The following SPTBN5 variants were observed in gnomAD, a reference collection of about 807,000 sequenced individuals.
The protein encoded by SPTBN5 is spectrin beta, non-erythrocytic 5.
Under a neutral mutation model 477.6 loss-of-function variants are expected in SPTBN5, and 513 were observed. The observed-to-expected ratio is 1.07, with a 90% CI of 1.00 to 1.16. The LOEUF (loss-of-function observed/expected upper bound fraction) is 1.16, where lower values mean the gene tolerates loss of function less well. Ranked by LOEUF, SPTBN5 falls within the 50% of genes most tolerant of loss-of-function variation. The pLI is 0.00. For synonymous variants in SPTBN5, 2,169 were observed against 2,011.7 expected (o/e 1.08, Z -2.09); for missense variants, 5,062 against 4,731.8 (o/e 1.07, Z -2.05).
At chr15:41,855,832 AG>A (rs2065916490) in intron 53 of SPTBN5, 87 bp from the exon 54 acceptor site, 2 of 1,372,870 alleles carry the variant, frequency 1.5e-6, no homozygotes, top group Non-Finnish European at 1.9e-6. Flanking sequence ...CTGGCTGCAC[AG>A]GGGAATCACC....
intron 23 of SPTBN5, among the ~76,000 whole-genome samples, 169 bp from the exon 24 acceptor site, chr15:41,874,647 C>T (rs1370113684): frequency 6.6e-6 from 1 of 152,204 alleles, no homozygotes; most frequent in African/African-American, 2.4e-5. Context: ...CACCTCATGG[C>T]CTAGATGACT....
chr15:41,852,759 A>G, intron 60 of SPTBN5, 24 bp from the exon 61 acceptor site: 1 of 1,488,676 alleles, frequency 6.7e-7, no homozygotes. Flanking sequence ...TGTTCAGGTG[A>G]CGCCCAGCTT....
chr15:41,882,599 G>A lies in SPTBN5; in HGVS notation c.2032C>T (p.Leu678=), dbSNP rs938197223. 8 of 1,602,886 alleles carry A rather than the reference G, an allele frequency of 5.0e-6. No homozygotes were observed. The highest frequency in any genetic ancestry group is 6.0e-6 in the Non-Finnish European group (7 of 1,176,080). ...GGAGCTGACACCTTGTGTTTCTGCA[G>A]GGCGCCTGCGATCTGGCTGAGATCC... The part of the protein sequence containing the change: ...GRDLSQIAGA[L]QKHKALEAEV... Residue 678 remains leucine, a synonymous_variant, in exon 10 of 68, where the codon CTG becomes TTG. Transcript: ENST00000320955.
chr15:41,854,556 G>A (rs535060451), intron 56 of SPTBN5, among the ~76,000 whole-genome samples: 6 of 151,950 alleles, frequency 3.9e-5, no homozygotes, highest in Non-Finnish European at 7.4e-5. Flanking sequence ...CTGGGGGACC[G>A]GGTCAGCTCA....
Position 41,852,305 on chromosome 15 carries a change from C to T in SPTBN5, c.10461G>A (p.Glu3487=). 1 of 1,589,482 alleles carries T rather than the reference C, an allele frequency of 6.3e-7. No homozygotes were observed. Among genetic ancestry groups the T allele is most frequent in the African/African-American group, 1.3e-5 (1 of 74,560 alleles). Residue 3487 remains glutamate (E), a synonymous_variant, in exon 62 of 68, where the codon GAG becomes GAA. Coordinates refer to ENST00000320955, the MANE Select transcript of SPTBN5 (RefSeq NM_016642.4). ...AQMQKTEMEQ[E]LLLQPQELKP... is the part of the protein sequence containing the mutation. ...TCAGCTCCTGTGGCTGCAGCAGGAGCTCCTGTTCCATCTTGGGGAGTGGGC... is the reference window on the plus strand; with the variant it reads ...TCAGCTCCTGTGGCTGCAGCAGGAGTTCCTGTTCCATCTTGGGGAGTGGGC...
chr15:41,880,753 G>A (rs915366486), intron 13 of SPTBN5, among the ~76,000 whole-genome samples: 1 of 152,204 alleles, frequency 6.6e-6, no homozygotes, highest in Non-Finnish European at 1.5e-5. Context: ...GTCCTGGCCA[G>A]CACCCCTGGG....
At position 41,848,243 on chromosome 15, in the gene SPTBN5, C is replaced by T. The variant is rs989162223; in HGVS notation, c.*373G>A. ...AAGGGCTGGTACAGAGCTCGCTCAT[C>T]AGTGTTCTTCCTCCGAAGAGCACAT... On this transcript the variant is annotated 3_prime_UTR_variant, in exon 68 of 68. Coordinates refer to ENST00000320955, the MANE Select transcript of SPTBN5 (RefSeq NM_016642.4). 6.1e-6 allele frequency: 3 copies of T among 494,400 alleles called. No individual in the cohort carries two copies. The highest frequency in any genetic ancestry group is 1.1e-5 in the Non-Finnish European group (3 of 272,242). The allele number at this position is 494,400 out of a possible 1,614,324, so 30.6% of individuals were successfully genotyped here.
chr15:41,872,047 T>C, intron 27 of SPTBN5, 130 bp from the exon 28 acceptor site: 2 of 1,249,676 alleles, frequency 1.6e-6, no homozygotes, highest in Non-Finnish European at 2.1e-6. Flanking sequence ...CGGCTCACGA[T>C]TCAGGGAGTA....
At position 41,852,271 on chromosome 15, in the gene SPTBN5, TC is replaced by T; in HGVS notation, c.10494del (p.Arg3499GlufsTer6). 6.2e-7 allele frequency: 1 copy of T among 1,605,598 alleles called. No individual in the cohort carries two copies. The highest frequency in any genetic ancestry group is 1.1e-5 in the South Asian group (1 of 89,816). ...LLLQPQELKP[G>X]RAGSSLTSFQ... ...AAGGATGTCAGCGAGCTGCCAGCTC[TC>T]CCGGGCTTCAGCTCCTGTGGCTGCA... On this transcript the variant is annotated frameshift_variant, in exon 62 of 68. Coordinates refer to ENST00000320955, the MANE Select transcript of SPTBN5 (RefSeq NM_016642.4). LOFTEE classifies it high-confidence loss of function.
chr15:41,858,562 G>A, intron 49 of SPTBN5, 40 bp downstream of exon 49: 2 of 1,594,272 alleles, frequency 1.3e-6, no homozygotes, highest in Non-Finnish European at 1.7e-6. Context: ...TGTTCTGCCT[G>A]GAGAGCTGTC....
rs1156651228 is a variant in SPTBN5, at chr15:41,851,380, G to A, written c.10657-11C>T. 6.5e-7 allele frequency: 1 copy of A among 1,549,442 alleles called. No homozygotes were observed. The highest frequency in any genetic ancestry group is 8.7e-7 in the Non-Finnish European group (1 of 1,145,882). On this transcript the variant is annotated splice_polypyrimidine_tract_variant and intron_variant, in intron 63 of 67. Coordinates refer to ENST00000320955, the MANE Select transcript of SPTBN5 (RefSeq NM_016642.4). ...GGAGCTCGAGCTAGGCTGTGGAGAGGAGGCGGGAAGGTCGCATGAGCCACA... is the reference window on the plus strand; with the variant it reads ...GGAGCTCGAGCTAGGCTGTGGAGAGAAGGCGGGAAGGTCGCATGAGCCACA...
At chr15:41,850,168 C>G in intron 66 of SPTBN5, 2 of 571,636 alleles carry the variant, frequency 3.5e-6, no homozygotes. Context: ...GGAAACTCCT[C>G]ACAGGTGAGT....
intron 49 of SPTBN5, among the ~76,000 whole-genome samples, chr15:41,857,975 G>A (rs576498014): frequency 1.3e-5 from 2 of 152,318 alleles, no homozygotes; most frequent in South Asian, 4.2e-4. Context: ...GTCAGGACCT[G>A]CCTTTGCAGG....
Position 41,851,130 on chromosome 15 carries a change from G to T in SPTBN5, c.10764C>A (p.Leu3588=). ...MAAEKVASIA[L]LDLTGARCER... is the part of the protein sequence containing the mutation. The stretch of plus-strand genomic sequence containing the variant: ...CACACCGGGCTCCCGTGAGGTCAAG[G>T]AGGGCTATGGAAGCTACTTTCTGAG... Residue 3588 remains leucine, a synonymous_variant, in exon 65 of 68, where the codon CTC becomes CTA. Coordinates refer to ENST00000320955, the MANE Select transcript of SPTBN5 (RefSeq NM_016642.4). 6.2e-7 allele frequency: 1 copy of T among 1,613,256 alleles called. No homozygotes were observed. The highest frequency in any genetic ancestry group is 8.5e-7 in the Non-Finnish European group (1 of 1,179,794).
intron 47 of SPTBN5, 21 bp from the exon 48 acceptor site, chr15:41,859,001 T>C: frequency 6.6e-7 from 1 of 1,514,018 alleles, no homozygotes; most frequent in African/African-American, 1.4e-5. Context: ...GAGAGGCTCA[T>C]GGGCCTGGAG....
intron 5 of SPTBN5, 98 bp from the exon 6 acceptor site, chr15:41,887,539 A>G (rs764910914): frequency 4.1e-6 from 4 of 963,894 alleles, no homozygotes; most frequent in Admixed American, 2.1e-5. Flanking sequence ...GGCCATTCAC[A>G]TCTTCTTGTG....
At chr15:41,861,971 C>A in intron 44 of SPTBN5, 48 bp from the exon 45 acceptor site, 1 of 1,565,368 alleles carries the variant, frequency 6.4e-7, no homozygotes, top group Non-Finnish European at 8.6e-7. Context: ...AGCAGCCCAG[C>A]AGGCAGGAGA....
intron 5 of SPTBN5, 101 bp from the exon 6 acceptor site, chr15:41,887,542 T>A (rs941533080): frequency 8.7e-6 from 8 of 920,830 alleles, no homozygotes; most frequent in Non-Finnish European, 1.3e-5. Flanking sequence ...CATTCACATC[T>A]TCTTGTGAAT....
Position 41,868,215 on chromosome 15 carries a change from G to T in SPTBN5, c.6061C>A (p.Gln2021Lys), listed in dbSNP as rs1431389819. The T allele has an allele frequency of 1.3e-6, 2 of 1,580,706 alleles. No individual in the cohort carries two copies. The highest frequency in any genetic ancestry group is 1.8e-5 in the Admixed American group (1 of 54,916). The change falls in exon 34 of 68, where the codon CAG (glutamine) becomes AAG (lysine). Residue 2021 changes from glutamine to lysine, a missense_variant. Transcript: ENST00000320955. ...TCCTGCAGGGCTCGAAGCTCTTCCTGGACCTGGGGATGGACACATGAGGAG... is the reference window on the plus strand; with the variant it reads ...TCCTGCAGGGCTCGAAGCTCTTCCTTGACCTGGGGATGGACACATGAGGAG... The part of the protein sequence containing the change: ...LAAGTPTKEV[Q>K]EELRALQDQR...
Sources: allele counts gnomAD v4.1 joint callset (sites outside exome capture counted in the v4.1 genomes callset), GRCh38; gene constraint gnomAD v4.1.1; transcripts MANE v1.5; gene names NCBI Gene and HGNC (gene_info 2026-07-23, HGNC 2026-07-21).